Variants in XKR6 observed in about 807,000 individuals in gnomAD.
The protein encoded by XKR6 is XK related 6.
Under a neutral mutation model 56.7 loss-of-function variants are expected in XKR6, and 22 were observed. The ratio of observed to expected loss-of-function variants is 0.39; its 90% CI spans 0.28 to 0.55. The LOEUF (loss-of-function observed/expected upper bound fraction) is 0.55, where lower values mean the gene tolerates loss of function less well. XKR6 is among the 20% of genes least tolerant of loss of function. XKR6 has a pLI of 0.66. For missense variants in XKR6, 852 were observed against 889.0 expected (o/e 0.96, Z 0.53); for synonymous variants, 524 against 387.8 (o/e 1.35, Z -4.13).
intron 1 of XKR6, chr8:11,138,421 G>C (rs1292705548): frequency 6.6e-6 from 1 of 152,184 alleles, no homozygotes; most frequent in Non-Finnish European, 1.5e-5. Context: ...ATTCAATATA[G>C]CATACTGTAG....
At chr8:10,976,162 C>G (rs1414317082) in intron 1 of XKR6, among the ~76,000 whole-genome samples, 2 of 150,948 alleles carry the variant, frequency 1.3e-5, no homozygotes, top group Non-Finnish European at 2.9e-5. Flanking sequence ...GGTGACAGAG[C>G]AAGACTCCAT....
At position 10,953,100 on chromosome 8, in the gene XKR6, A is replaced by C. The variant is rs150884404; in HGVS notation, c.765-28270T>G. 3.5e-3 allele frequency among the ~76,000 whole-genome samples: 536 copies of C among 152,342 alleles called. 1 individual carries two copies. The highest frequency in any genetic ancestry group is 0.012 in the African/African-American group (510 of 41,556). On this transcript the variant is annotated intron_variant, in intron 1 of 2. Transcript: ENST00000416569. ...CTCCCACTGATTCTGCACTGTGGTGAGTTGTATGACTATTTCATTATACAT... is the reference window on the plus strand; with the variant it reads ...CTCCCACTGATTCTGCACTGTGGTGCGTTGTATGACTATTTCATTATACAT...
chr8:11,036,179 C>T (rs1413187855), intron 1 of XKR6, among the ~76,000 whole-genome samples: 1 of 152,084 alleles, frequency 6.6e-6, no homozygotes, highest in African/African-American at 2.4e-5. Flanking sequence ...AACTCCTGGG[C>T]TCAAGTGATC....
intron 1 of XKR6, among the ~76,000 whole-genome samples, chr8:11,171,399 G>C (rs1474361999): frequency 6.6e-6 from 1 of 152,238 alleles, no homozygotes; most frequent in African/African-American, 2.4e-5. Flanking sequence ...CCATGCTATA[G>C]AGTTTGGATA....
intron 1 of XKR6, among the ~76,000 whole-genome samples, chr8:10,973,190 G>C (rs918958038): frequency 1.3e-5 from 2 of 152,200 alleles, no homozygotes; most frequent in African/African-American, 2.4e-5. Context: ...GAGTGAGCTT[G>C]GCCCATGTTA....
chr8:11,005,058 G>A (rs539102454), intron 1 of XKR6, among the ~76,000 whole-genome samples: 36 of 152,194 alleles, frequency 2.4e-4, no homozygotes, highest in Admixed American at 6.5e-4. Context: ...TGGGAGATAC[G>A]TTTCAGTGGA....
At chr8:11,128,988 T>C in intron 1 of XKR6, 1 of 456,592 alleles carries the variant, frequency 2.2e-6, no homozygotes, top group Non-Finnish European at 4.4e-6. Flanking sequence ...TTTTGGTTTG[T>C]TCTGTTCTCT....
chr8:10,985,722 T>C (rs1797847584), intron 1 of XKR6, among the ~76,000 whole-genome samples: 2 of 152,200 alleles, frequency 1.3e-5, no homozygotes, highest in Non-Finnish European at 1.5e-5. Context: ...CTAAACCTCT[T>C]TCCTTTTTTC....
At chr8:10,931,032 C>T (rs902838330) in intron 1 of XKR6, among the ~76,000 whole-genome samples, 3 of 152,138 alleles carry the variant, frequency 2.0e-5, no homozygotes, top group Non-Finnish European at 4.4e-5. Flanking sequence ...GATTGAAAAT[C>T]CTAAGCAATC....
At chr8:11,057,581 AC>A (rs1319517348) in intron 1 of XKR6, among the ~76,000 whole-genome samples, 5 of 152,126 alleles carry the variant, frequency 3.3e-5, no homozygotes, top group African/African-American at 1.2e-4. Flanking sequence ...ATGAGTTCCC[AC>A]GGTCACAGAG....
chr8:11,042,981 C>T (rs1463104559), intron 1 of XKR6, among the ~76,000 whole-genome samples: 1 of 152,046 alleles, frequency 6.6e-6, no homozygotes, highest in Non-Finnish European at 1.5e-5. Context: ...CCCCACGAGC[C>T]CAGGGCAGTG....
chr8:11,133,656 G>A (rs559799360), intron 1 of XKR6, among the ~76,000 whole-genome samples: 36 of 152,108 alleles, frequency 2.4e-4, no homozygotes, highest in Non-Finnish European at 5.0e-4. Flanking sequence ...AAGCATGCTG[G>A]CAGGGCTATA....
At chr8:11,007,770 C>G (rs548405795) in intron 1 of XKR6, among the ~76,000 whole-genome samples, 1 of 152,180 alleles carries the variant, frequency 6.6e-6, no homozygotes, top group Admixed American at 6.5e-5. Context: ...GGGCAAGGTG[C>G]CTGCAGTCTA....
At chr8:11,000,125 C>T (rs570648193) in intron 1 of XKR6, among the ~76,000 whole-genome samples, 1 of 152,084 alleles carries the variant, frequency 6.6e-6, no homozygotes, top group South Asian at 2.1e-4. Context: ...CTCTCAGAGG[C>T]ACCAAGACTA....
At chr8:11,133,325 T>A (rs1386222649) in intron 1 of XKR6, among the ~76,000 whole-genome samples, 2 of 152,092 alleles carry the variant, frequency 1.3e-5, no homozygotes, top group African/African-American at 2.4e-5. Flanking sequence ...AAGGTGGAAG[T>A]GCACTGTAGC....
chr8:10,916,596 C>T (rs539455302), intron 2 of XKR6, among the ~76,000 whole-genome samples: 152 of 152,330 alleles, frequency 1.0e-3, no homozygotes, highest in Non-Finnish European at 1.8e-3. Flanking sequence ...TCGGGCCCCT[C>T]GGCCCTCCCT....
chr8:11,089,622 G>C (rs1156807531), intron 1 of XKR6, among the ~76,000 whole-genome samples: 1 of 152,134 alleles, frequency 6.6e-6, no homozygotes, highest in Non-Finnish European at 1.5e-5. Context: ...AGGTGACAGA[G>C]TGAGATCCTG....
At chr8:11,197,522 A>G (rs990989510) in intron 1 of XKR6, among the ~76,000 whole-genome samples, 2 of 152,232 alleles carry the variant, frequency 1.3e-5, no homozygotes, top group Non-Finnish European at 1.5e-5. Flanking sequence ...TGCTCCTGGA[A>G]TAAGTGATTC....
intron 1 of XKR6, among the ~76,000 whole-genome samples, chr8:11,001,734 T>A (rs1398007291): frequency 2.0e-5 from 3 of 152,216 alleles, no homozygotes; most frequent in African/African-American, 7.2e-5. Context: ...AGAAGCTGGC[T>A]GAAGTCCACA....
Sources: gnomAD v4.1 joint callset for allele counts (sites outside exome capture counted in the v4.1 genomes callset) on GRCh38, gnomAD v4.1.1 for gene constraint, MANE v1.5 for transcripts, NCBI Gene and HGNC (gene_info 2026-07-23, HGNC 2026-07-21) for gene names.